Variants in GAS7 observed in about 807,000 individuals in gnomAD.
GAS7 encodes growth arrest-specific protein 7.
Under a neutral mutation model 71.1 loss-of-function variants are expected in GAS7, and 28 were observed. The ratio of observed to expected loss-of-function variants is 0.39; its 90% CI spans 0.29 to 0.54. The LOEUF is 0.54. GAS7 is among the 20% of genes least tolerant of loss of function. The pLI is 0.62. For synonymous variants in GAS7, 258 were observed against 245.8 expected (o/e 1.05, Z -0.46); for missense variants, 436 against 627.8 (o/e 0.69, Z 3.27).
At chr17:9,936,493 C>G (rs2068406587) in intron 8 of GAS7, among the ~76,000 whole-genome samples, 1 of 152,160 alleles carries the variant, frequency 6.6e-6, no homozygotes, top group African/African-American at 2.4e-5. Context: ...CCACCCAACA[C>G]AACGTCCTCA....
At chr17:10,141,110 CTGCCTTGGGA>C (rs568686139) in intron 1 of GAS7, among the ~76,000 whole-genome samples, 1 of 152,340 alleles carries the variant, frequency 6.6e-6, no homozygotes, top group South Asian at 2.1e-4. Context: ...CTGGAATTTC[CTGCCTTGGGA>C]AGCTGCTCAC....
At chr17:10,121,391 T>C (rs1209660101) in intron 1 of GAS7, among the ~76,000 whole-genome samples, 1 of 151,834 alleles carries the variant, frequency 6.6e-6, no homozygotes, top group Non-Finnish European at 1.5e-5. Context: ...AAAAAACAAA[T>C]AAAAAATTTA....
At chr17:10,065,628 C>T (rs1480526818) in intron 1 of GAS7, among the ~76,000 whole-genome samples, 2 of 152,198 alleles carry the variant, frequency 1.3e-5, no homozygotes, top group African/African-American at 4.8e-5. Flanking sequence ...ACTCAGATAA[C>T]CCAGGAAAAC....
chr17:10,194,760 T>C (rs368230459), intron 1 of GAS7, among the ~76,000 whole-genome samples: 1,941 of 147,252 alleles, frequency 0.013, 46 homozygotes, highest in African/African-American at 0.046. Context: ...GATCACAAGG[T>C]GAGGAGATCG....
intron 2 of GAS7, among the ~76,000 whole-genome samples, chr17:10,006,993 A>G (rs1034322040): frequency 3.9e-5 from 6 of 152,162 alleles, no homozygotes; most frequent in Admixed American, 6.5e-5. Flanking sequence ...TGGGGCTACG[A>G]TACATGTTTA....
At chr17:10,083,200 A>AT (rs2073477331) in intron 1 of GAS7, among the ~76,000 whole-genome samples, 2 of 152,178 alleles carry the variant, frequency 1.3e-5, no homozygotes, top group South Asian at 4.1e-4. Context: ...CATCTCTGTA[A>AT]TTTTCTGTAG....
intron 1 of GAS7, among the ~76,000 whole-genome samples, chr17:10,147,877 A>G (rs913212788): frequency 6.6e-6 from 1 of 152,224 alleles, no homozygotes; most frequent in Admixed American, 6.5e-5. Flanking sequence ...AAAAGAGTAC[A>G]GAACTCCAAG....
chr17:10,056,382 C>T (rs2073136771), intron 1 of GAS7, among the ~76,000 whole-genome samples: 2 of 152,098 alleles, frequency 1.3e-5, no homozygotes, highest in African/African-American at 4.8e-5. Flanking sequence ...GTAGTCCCAG[C>T]TACTCAGGAG....
intron 9 of GAS7, among the ~76,000 whole-genome samples, chr17:9,931,655 G>A (rs992555725): frequency 6.6e-6 from 1 of 152,198 alleles, no homozygotes; most frequent in Non-Finnish European, 1.5e-5. Flanking sequence ...ATCCATTCAC[G>A]GAGTTCCCTT....
At chr17:10,016,607 A>C (rs985389330) in intron 2 of GAS7, among the ~76,000 whole-genome samples, 1 of 138,488 alleles carries the variant, frequency 7.2e-6, no homozygotes, top group African/African-American at 2.9e-5. Context: ...TCTACCAAAA[A>C]AAAAAAAAAA....
chr17:10,138,556 A>G (rs1248967496), intron 1 of GAS7, among the ~76,000 whole-genome samples: 1 of 151,974 alleles, frequency 6.6e-6, no homozygotes, highest in Non-Finnish European at 1.5e-5. Flanking sequence ...TGGGGTCAGG[A>G]GTTTGAGACC....
intron 1 of GAS7, among the ~76,000 whole-genome samples, chr17:10,143,386 C>T (rs1364744589): frequency 6.6e-6 from 1 of 151,858 alleles, no homozygotes; most frequent in South Asian, 2.1e-4. Flanking sequence ...ACTAAAAATA[C>T]AAAAAATTAG....
chr17:9,956,699 G>T (rs77542934), intron 5 of GAS7, among the ~76,000 whole-genome samples: 1 of 152,172 alleles, frequency 6.6e-6, no homozygotes, highest in East Asian at 1.9e-4. Flanking sequence ...AAAAAGGAGC[G>T]TCAGAATCCA....
Position 10,124,154 on chromosome 17 carries a change from G to A in GAS7, c.183+74054C>T, listed in dbSNP as rs113899552. On this transcript the variant is annotated intron_variant, in intron 1 of 13. Transcript: ENST00000432992. ...CAGAGCCGCCACTGTGCCTGGGCGG[G>A]CTCCCCGCGCGGCTCCCAGCTCCAA... 5.9e-5 allele frequency among the ~76,000 whole-genome samples: 9 copies of A among 152,338 alleles called. 1 individual carries two copies. The highest frequency in any genetic ancestry group is 2.2e-4 in the African/African-American group (9 of 41,590).
chr17:10,017,220 C>T (rs1033801987), intron 2 of GAS7, among the ~76,000 whole-genome samples: 2 of 151,986 alleles, frequency 1.3e-5, no homozygotes, highest in African/African-American at 2.4e-5. Context: ...GTGGAGCCAA[C>T]AGACAGCCTG....
At position 10,042,326 on chromosome 17, in the gene GAS7, A is replaced by G. The variant is rs542342225; in HGVS notation, c.184-22429T>C. Among the ~76,000 whole-genome samples, 8 of 151,844 alleles carry G rather than the reference A, an allele frequency of 5.3e-5. No individual in the cohort carries two copies. In the South Asian group the frequency reaches 1.3e-3, roughly 24 times the overall value. On this transcript the variant is annotated intron_variant, in intron 1 of 13. Coordinates refer to ENST00000432992, the MANE Select transcript of GAS7 (RefSeq NM_201433.2). Reference sequence around the variant, plus strand: ...AAAAAAAAAAAAAAAGATAATTAATAAGAAAACACATCTGGGTAGGGTGAT... The same window carrying G: ...AAAAAAAAAAAAAAAGATAATTAATGAGAAAACACATCTGGGTAGGGTGAT...
intron 1 of GAS7, among the ~76,000 whole-genome samples, chr17:10,043,829 C>T (rs1045577265): frequency 5.3e-5 from 8 of 152,104 alleles, no homozygotes; most frequent in African/African-American, 1.7e-4. Flanking sequence ...AGCTACTAGG[C>T]AGACTGAGGC....
chr17:10,146,947 A>G (rs1427741897), intron 1 of GAS7, among the ~76,000 whole-genome samples: 3 of 151,920 alleles, frequency 2.0e-5, no homozygotes, highest in Non-Finnish European at 4.4e-5. Flanking sequence ...CGCCAGAGCG[A>G]GACTCCGTCT....
chr17:10,027,730 T>C (rs1024766327), intron 1 of GAS7, among the ~76,000 whole-genome samples: 4 of 152,174 alleles, frequency 2.6e-5, no homozygotes, highest in Non-Finnish European at 5.9e-5. Flanking sequence ...TCTCCAGAAC[T>C]GTGAGGAAGT....
Sources: gnomAD v4.1 joint callset for allele counts (sites outside exome capture counted in the v4.1 genomes callset) on GRCh38, gnomAD v4.1.1 for gene constraint, MANE v1.5 for transcripts, NCBI Gene and HGNC (gene_info 2026-07-23, HGNC 2026-07-21) for gene names.